The following RBFOX1 variants were observed in gnomAD, a reference collection of about 807,000 sequenced individuals.
The protein encoded by RBFOX1 is RNA binding protein fox-1 homolog 1.
RBFOX1 carries 8 observed loss-of-function variants against 57.7 expected under a neutral mutation model. The observed-to-expected ratio is 0.14, with a 90% CI of 0.08 to 0.25. The LOEUF (loss-of-function observed/expected upper bound fraction) is 0.25, where lower values mean the gene tolerates loss of function less well. RBFOX1 is among the 10% of genes least tolerant of loss of function. The pLI is 1.00. For synonymous variants in RBFOX1, 326 were observed against 222.4 expected, an observed-to-expected ratio of 1.47 and a Z score of -4.15; for missense variants, 611 against 548.5, an observed-to-expected ratio of 1.11 and a Z score of -1.14.
chr16:5,438,164 T>G (rs995041040), intron 1 of RBFOX1, among the ~76,000 whole-genome samples: 2 of 152,156 alleles, frequency 1.3e-5, no homozygotes, highest in Non-Finnish European at 2.9e-5. Flanking sequence ...CAGGGGATAT[T>G]AAAGAAACAA....
chr16:6,326,542 T>A (rs80355429), intron 2 of RBFOX1, among the ~76,000 whole-genome samples: 5,656 of 152,134 alleles, frequency 0.037, 348 homozygotes, highest in African/African-American at 0.13. Flanking sequence ...GCTTTCTTCA[T>A]CCTTCTCAGA....
chr16:6,507,682 C>A (rs1310450022), intron 2 of RBFOX1, among the ~76,000 whole-genome samples: 1 of 151,966 alleles, frequency 6.6e-6, no homozygotes, highest in African/African-American at 2.4e-5. Flanking sequence ...CATGGATGAA[C>A]CTTAATGGCA....
At chr16:5,890,759 A>G (rs1178328022) in intron 4 of RBFOX1, among the ~76,000 whole-genome samples, 10 of 151,370 alleles carry the variant, frequency 6.6e-5, no homozygotes, top group Admixed American at 6.6e-4. Flanking sequence ...TCTGTCTTAT[A>G]CTGGAGCCTG....
At chr16:5,710,598 G>A (rs2051449277) in intron 3 of RBFOX1, among the ~76,000 whole-genome samples, 1 of 152,232 alleles carries the variant, frequency 6.6e-6, no homozygotes, top group Non-Finnish European at 1.5e-5. Context: ...CACGTCCTGT[G>A]ATTGTTGTGG....
chr16:5,995,346 A>G (rs1183754789), intron 4 of RBFOX1, among the ~76,000 whole-genome samples: 1 of 152,234 alleles, frequency 6.6e-6, no homozygotes, highest in African/African-American at 2.4e-5. Context: ...TGAATAGGGC[A>G]ACTTCTGTGT....
intron 1 of RBFOX1, among the ~76,000 whole-genome samples, chr16:6,188,695 A>G (rs1473718711): frequency 6.6e-6 from 1 of 152,202 alleles, no homozygotes; most frequent in Non-Finnish European, 1.5e-5. Context: ...GGAAGTAATG[A>G]GACTACACTG....
chr16:5,776,223 C>T (rs1400272235), intron 3 of RBFOX1, among the ~76,000 whole-genome samples: 3 of 152,130 alleles, frequency 2.0e-5, no homozygotes, highest in Non-Finnish European at 2.9e-5. Context: ...TAAATATTTC[C>T]GAGGAGTATT....
chr16:6,849,431 G>T (rs1688201485), intron 3 of RBFOX1, among the ~76,000 whole-genome samples: 1 of 152,182 alleles, frequency 6.6e-6, no homozygotes, highest in South Asian at 2.1e-4. Context: ...CACTTGGGAG[G>T]CTGAGGCTGG....
At chr16:6,981,250 T>G (rs1402308454) in intron 3 of RBFOX1, among the ~76,000 whole-genome samples, 1 of 152,032 alleles carries the variant, frequency 6.6e-6, no homozygotes, top group Non-Finnish European at 1.5e-5. Context: ...CATTGTTTTT[T>G]GTGATTCTCC....
In RBFOX1 at chr16:5,593,393, T is replaced by C. The variant is rs184394216; in HGVS notation, c.259-5509T>C. ...CATTAGGAGAAATACCTAATGTAGA[T>C]GATGGGTTGATGGGTGCAGCAAACC... is the stretch of plus-strand genomic sequence containing the variant. On this transcript the variant is annotated intron_variant, in intron 2 of 2. Transcript: ENST00000585867. 6.8e-3 allele frequency among the ~76,000 whole-genome samples: 1,037 copies of C among 152,228 alleles called. 5 individuals carry two copies. The highest frequency in any genetic ancestry group is 0.02 in the Middle Eastern group (6 of 294).
At position 7,069,675 on chromosome 16, in the gene RBFOX1, C is replaced by T. The variant is rs528460102; in HGVS notation, c.27+17577C>T. Among the ~76,000 whole-genome samples the T allele has an allele frequency of 2.0e-5, 3 of 152,254 alleles. 1 individual carries two copies. Among genetic ancestry groups the T allele is most frequent in the South Asian group, 2.1e-4 (1 of 4,818 alleles). On this transcript the variant is annotated intron_variant, in intron 4 of 15. Transcript: ENST00000550418. Reference sequence around the variant, plus strand: ...GAGGATAAATGGGGACTTAGTGGATCGTGCCCCAGCTTCCTCATGCGCTAG... The same window carrying T: ...GAGGATAAATGGGGACTTAGTGGATTGTGCCCCAGCTTCCTCATGCGCTAG...
intron 4 of RBFOX1, among the ~76,000 whole-genome samples, chr16:5,901,166 G>A (rs1460151581): frequency 4.6e-5 from 7 of 152,124 alleles, no homozygotes; most frequent in Admixed American, 4.6e-4. Flanking sequence ...TCGTCTCCCT[G>A]GACCCTCTCA....
chr16:6,196,693 A>AT (rs1317935893), intron 1 of RBFOX1, among the ~76,000 whole-genome samples: 1 of 151,902 alleles, frequency 6.6e-6, no homozygotes, highest in Non-Finnish European at 1.5e-5. Context: ...TATTTGTGCT[A>AT]TTTCTTTGAA....
intron 1 of RBFOX1, among the ~76,000 whole-genome samples, chr16:5,305,709 C>G (rs1448608430): frequency 6.6e-6 from 1 of 152,172 alleles, no homozygotes; most frequent in African/African-American, 2.4e-5. Context: ...ATGGACACTT[C>G]TGGGTGGTGG....
At chr16:7,341,009 G>A (rs538801803) in intron 4 of RBFOX1, among the ~76,000 whole-genome samples, 221 of 152,230 alleles carry the variant, frequency 1.5e-3, no homozygotes, top group African/African-American at 4.9e-3. Context: ...TTTGGTGTTC[G>A]GCAATGTGAG....
chr16:6,233,159 G>T (rs937308891), intron 1 of RBFOX1, among the ~76,000 whole-genome samples: 3 of 152,150 alleles, frequency 2.0e-5, no homozygotes, highest in Admixed American at 6.5e-5. Flanking sequence ...CACAAAGCAG[G>T]TTATGTATTG....
chr16:6,954,934 C>A (rs989786843), intron 3 of RBFOX1, among the ~76,000 whole-genome samples: 1 of 151,910 alleles, frequency 6.6e-6, no homozygotes, highest in African/African-American at 2.4e-5. Flanking sequence ...TTTTAGGCAT[C>A]AAATTTAATA....
intron 11 of RBFOX1, among the ~76,000 whole-genome samples, chr16:7,652,597 G>A (rs1054205015): frequency 1.3e-5 from 2 of 152,100 alleles, no homozygotes. Context: ...TAGTAGAGAT[G>A]GGGTTTCACC....
intron 3 of RBFOX1, among the ~76,000 whole-genome samples, chr16:5,770,752 C>G (rs2053951048): frequency 6.6e-6 from 1 of 152,144 alleles, no homozygotes; most frequent in Non-Finnish European, 1.5e-5. Context: ...TGTTTAAACA[C>G]CTAATGTACA....
Sources: gnomAD v4.1 joint callset for allele counts (sites outside exome capture counted in the v4.1 genomes callset) on GRCh38, gnomAD v4.1.1 for gene constraint, MANE v1.5 for transcripts, NCBI Gene and HGNC (gene_info 2026-07-23, HGNC 2026-07-21) for gene names.